Variants in TPR observed in about 807,000 individuals in gnomAD.
The protein encoded by TPR is nucleoprotein TPR.
Under a neutral mutation model 316.1 loss-of-function variants are expected in TPR, and 51 were observed. That is an observed-to-expected ratio of 0.16 (90% CI 0.13 to 0.20). The LOEUF is 0.20. TPR is among the 10% of genes least tolerant of loss of function. The probability of loss-of-function intolerance (pLI) is 1.00; values close to 1 mark genes in which losing one functional copy is unlikely to be tolerated. For missense variants in TPR, 2,272 were observed against 2,754.8 expected (o/e 0.82, Z 3.92); for synonymous variants, 981 against 914.7 (o/e 1.07, Z -1.31).
intron 20 of TPR, 74 bp downstream of exon 20, chr1:186,351,256 G>A: frequency 4.9e-6 from 7 of 1,421,778 alleles, no homozygotes; most frequent in Non-Finnish European, 6.5e-6. Flanking sequence ...ATCTTGGATG[G>A]CAGACTGTCC....
Position 186,325,594 on chromosome 1 carries a change from T to C in TPR, c.6112+170A>G, listed in dbSNP as rs184755915. 554 of 520,582 alleles carry C rather than the reference T, an allele frequency of 1.1e-3. 2 individuals are homozygous for C. The highest frequency in any genetic ancestry group is 2.1e-3 in the Middle Eastern group (4 of 1,942). 32.2% of individuals were successfully genotyped at this position (520,582 alleles called of 1,614,324 possible). On this transcript the variant is annotated intron_variant, in intron 42 of 50. Transcript: ENST00000367478. ...AGAGTATAATGACAGCACCTAACAA[T>C]CATAAATATAGTAGACTTTTTATGA...
At chr1:186,349,867 T>G (rs1041279554) in intron 21 of TPR, among the ~76,000 whole-genome samples, 1 of 152,166 alleles carries the variant, frequency 6.6e-6, no homozygotes, top group Non-Finnish European at 1.5e-5. Flanking sequence ...AAACTTATTC[T>G]TGCAGATTTG....
chr1:186,327,860 A>C (rs1054455369), intron 39 of TPR, among the ~76,000 whole-genome samples, 200 bp from the exon 40 acceptor site: 1 of 151,782 alleles, frequency 6.6e-6, no homozygotes, highest in African/African-American at 2.4e-5. Flanking sequence ...CAGCTCACTG[A>C]AACCTCCGCC....
rs183581652 is a variant in TPR, at chr1:186,369,012, A to T, written c.331-1030T>A. 2.7e-3 allele frequency among the ~76,000 whole-genome samples: 408 copies of T among 152,332 alleles called. 2 individuals carry two copies. The highest frequency in any genetic ancestry group is 0.018 in the South Asian group (88 of 4,834). ...CAACACCATTAATGAGGAGACGATC[A>T]CAACTCCATTGGGTCTTCTTGGCAC... On this transcript the variant is annotated intron_variant, in intron 3 of 50. Coordinates refer to ENST00000367478, the MANE Select transcript of TPR (RefSeq NM_003292.3).
At chr1:186,368,726 ATTC>A (rs1290528598) in intron 3 of TPR, among the ~76,000 whole-genome samples, 1 of 152,210 alleles carries the variant, frequency 6.6e-6, no homozygotes, top group Admixed American at 6.5e-5. Context: ...GCCTTTTAAT[ATTC>A]TTGTTTCCTG....
intron 12 of TPR, 135 bp downstream of exon 12, chr1:186,359,664 A>G (rs890246066): frequency 2.1e-5 from 18 of 859,404 alleles, no homozygotes; most frequent in South Asian, 1.3e-4. Context: ...GCAGTGTTTA[A>G]TAAGTTTCAA....
chr1:186,339,196 G>A (rs527697609), intron 30 of TPR, among the ~76,000 whole-genome samples: 60 of 152,282 alleles, frequency 3.9e-4, no homozygotes, highest in Admixed American at 7.2e-4. Flanking sequence ...TAGGGAGGCA[G>A]AAGTGGGAGG....
At position 186,332,179 on chromosome 1, in the gene TPR, A is replaced by G. The variant is rs765703176; in HGVS notation, c.5604+16T>C. ...TACTGGTAAAAGTTAAAATACACAG[A>G]AAGAACTTTACGCACCTCAGTTCCT... On this transcript the variant is annotated intron_variant, in intron 38 of 50. Transcript: ENST00000367478. The G allele has an allele frequency of 3.1e-6, 5 of 1,595,750 alleles. No homozygotes were observed. The highest frequency in any genetic ancestry group is 1.7e-5 in the Admixed American group (1 of 58,118).
rs1558024538 is a variant in TPR, at chr1:186,353,874, C to G, written c.2172-24G>C. ...AACTGGTATGAAAAAAGTAATTCTA[C>G]AAGTAACTGAAATGATATCCTAGCT... On this transcript the variant is annotated intron_variant, in intron 17 of 50. Coordinates refer to ENST00000367478, the MANE Select transcript of TPR (RefSeq NM_003292.3). 2.5e-6 allele frequency: 4 copies of G among 1,604,262 alleles called. No individual in the cohort carries two copies. In the Admixed American group the frequency reaches 5.1e-5, roughly 20 times the overall value.
intron 25 of TPR, 112 bp downstream of exon 25, chr1:186,344,263 T>G: frequency 1.4e-6 from 2 of 1,394,774 alleles, no homozygotes; most frequent in Non-Finnish European, 9.8e-7. Context: ...ATCACGCCAT[T>G]GCACTCCAGC....
rs1367493000 is a variant in TPR at position 186,331,533 on chromosome 1, C to T, written c.5653G>A (p.Val1885Ile). ...GAATCTTGAGAATCCTGGTTGTATACCTGAGTCTCTACCTCTCCATCAGTA... is the reference window on the plus strand; with the variant it reads ...GAATCTTGAGAATCCTGGTTGTATATCTGAGTCTCTACCTCTCCATCAGTA... ...ESTDGEVETQ[V>I]YNQDSQDSIG... Residue 1885 changes from valine (V) to isoleucine (I), a missense_variant, in exon 39 of 51, where the codon GTA (valine) becomes ATA (isoleucine). Around this residue, in one of 10 missense-constraint regions of TPR, gnomAD observed 435 missense variants for 461.1 expected, o/e 0.94. Coordinates refer to ENST00000367478, the MANE Select transcript of TPR (RefSeq NM_003292.3). The T allele has an allele frequency of 6.2e-7, 1 of 1,609,326 alleles. No individual in the cohort carries two copies. The highest frequency in any genetic ancestry group is 1.1e-5 in the South Asian group (1 of 90,490).
intron 10 of TPR, 55 bp from the exon 11 acceptor site, chr1:186,360,419 A>G (rs1659150741): frequency 6.3e-7 from 1 of 1,578,538 alleles, no homozygotes; most frequent in Non-Finnish European, 8.7e-7. Context: ...ACTAAAAGCC[A>G]TTAATAATTT....
chr1:186,353,936 T>C, intron 17 of TPR, 86 bp from the exon 18 acceptor site: 2 of 1,214,944 alleles, frequency 1.6e-6, no homozygotes, highest in Non-Finnish European at 2.3e-6. Flanking sequence ...GCTTAACCCA[T>C]TTCCCCAAAT....
chr1:186,321,790 T>C (rs999094090), intron 45 of TPR, among the ~76,000 whole-genome samples: 6 of 152,208 alleles, frequency 3.9e-5, no homozygotes, highest in Non-Finnish European at 5.9e-5. Context: ...TAGTTGCTCA[T>C]TTGCTTAGCT....
intron 22 of TPR, 132 bp from the exon 23 acceptor site, chr1:186,346,419 T>A (rs1029442369): frequency 1.1e-6 from 1 of 931,824 alleles, no homozygotes; most frequent in Admixed American, 3.3e-5. Flanking sequence ...AAAGAATCCA[T>A]CAAAGGTGAT....
Position 186,371,054 on chromosome 1 carries a change from G to A in TPR, c.257-11C>T. 1 of 1,606,282 alleles carries A rather than the reference G, an allele frequency of 6.2e-7. No homozygotes were observed. Among genetic ancestry groups the A allele is most frequent in the Non-Finnish European group, 8.5e-7 (1 of 1,173,708 alleles). ...CCTTCAGTTGATTGTCTGGATAAAA[G>A]GAATTTTATGAATACATACACATTT... On this transcript the variant is annotated splice_polypyrimidine_tract_variant and intron_variant, in intron 2 of 50. Transcript: ENST00000367478.
chr1:186,323,990 T>A, intron 42 of TPR, 120 bp from the exon 43 acceptor site: 2 of 1,043,170 alleles, frequency 1.9e-6, no homozygotes, highest in East Asian at 3.0e-5. Context: ...TTTTCAGAAG[T>A]AAAGTAGTGA....
At chr1:186,329,559 A>G (rs1310138941) in intron 39 of TPR, among the ~76,000 whole-genome samples, 3 of 152,166 alleles carry the variant, frequency 2.0e-5, no homozygotes, top group Non-Finnish European at 4.4e-5. Context: ...TTGTGTATAA[A>G]ATGAAGTTCT....
chr1:186,332,837 G>A lies in TPR; in HGVS notation c.5455+285C>T, dbSNP rs142082157. Among the ~76,000 whole-genome samples the A allele has an allele frequency of 3.7e-3, 567 of 152,130 alleles. 5 individuals are homozygous for A. Among genetic ancestry groups the A allele is most frequent in the African/African-American group, 0.013 (550 of 41,518 alleles). ...AGACCAGTAAAAAAAATAACTGGAG[G>A]GGGAGAATCATCTTAATGACAAACA... On this transcript the variant is annotated intron_variant, in intron 37 of 50. Transcript: ENST00000367478.
Sources: allele counts gnomAD v4.1 joint callset (sites outside exome capture counted in the v4.1 genomes callset), GRCh38; gene constraint gnomAD v4.1.1; regional missense constraint gnomAD v4.1.1; transcripts MANE v1.5; gene names NCBI Gene and HGNC (gene_info 2026-07-23, HGNC 2026-07-21).